The following PNPLA7 variants were observed in gnomAD, a reference collection of about 807,000 sequenced individuals.
PNPLA7 encodes patatin-like phospholipase domain-containing protein 7.
In PNPLA7, 153 loss-of-function variants were observed where a neutral mutation model predicts 161.7. The ratio of observed to expected loss-of-function variants is 0.95; its 90% confidence interval spans 0.83 to 1.08. PNPLA7 has a LOEUF of 1.08. Among genes scored for constraint, PNPLA7 ranks in the 50% least tolerant of loss-of-function variants. PNPLA7 has a pLI of 0.00. For missense variants in PNPLA7, 1,739 were observed against 1,856.6 expected (o/e 0.94, Z 1.16); for synonymous variants, 809 against 782.1 (o/e 1.03, Z -0.57).
rs1018361200 is a variant in PNPLA7, at chr9:137,462,201, A to G, written c.3623T>C (p.Phe1208Ser). 3.2e-6 allele frequency: 5 copies of G among 1,572,716 alleles called. No homozygotes were observed. In the African/African-American group the frequency reaches 6.8e-5, roughly 21 times the overall value. The change falls in exon 31 of 35, where the codon TTC becomes TCC. Residue 1208 changes from phenylalanine to serine, a missense_variant. Around this residue, in one of 6 missense-constraint regions of PNPLA7, gnomAD observed 703 missense variants for 694.6 expected, o/e 1.01. Coordinates refer to ENST00000406427, the MANE Select transcript of PNPLA7 (RefSeq NM_001098537.3). ...CACGCAGATCTCGTTGAACTTGCCG[A>G]AGTCCAGGGTGCTGTAGCTGTCGAT... is the stretch of plus-strand genomic sequence containing the variant. ...PPIDSYSTLD[F>S]GKFNEICEVG...
intron 25 of PNPLA7, among the ~76,000 whole-genome samples, chr9:137,474,974 C>T (rs768208613): frequency 1.7e-5 from 2 of 118,178 alleles, no homozygotes; most frequent in African/African-American, 3.7e-5. Context: ...GGAGCCGAGC[C>T]GAGATCGCTC....
chr9:137,548,295 C>T (rs897389677), intron 1 of PNPLA7, among the ~76,000 whole-genome samples: 1 of 152,326 alleles, frequency 6.6e-6, no homozygotes, highest in East Asian at 1.9e-4. Context: ...CAGCCCTCTC[C>T]ATTCCTGCTG....
rs147429101 is a variant in PNPLA7 at position 137,520,895 on chromosome 9, T to C, written c.957+741A>G. 1.2e-3 allele frequency among the ~76,000 whole-genome samples: 180 copies of C among 152,326 alleles called. No individual in the cohort carries two copies. The highest frequency in any genetic ancestry group is 4.1e-3 in the African/African-American group (169 of 41,578). On this transcript the variant is annotated intron_variant, in intron 10 of 34. Coordinates refer to ENST00000406427, the MANE Select transcript of PNPLA7 (RefSeq NM_001098537.3). This position sits in a 1 kb window ranked among gnomAD's most constrained non-coding sequence, Gnocchi z 5.2. ...GTCAAGGGCAACACACAGGGAGTGC[T>C]GGCAACAGGGACCCCATGGGACGGG...
Position 137,478,166 on chromosome 9 carries a change from C to G in PNPLA7, c.2764-14G>C. 4.7e-6 allele frequency: 6 copies of G among 1,282,962 alleles called. No individual in the cohort carries two copies. The highest frequency in any genetic ancestry group is 6.0e-6 in the Non-Finnish European group (6 of 1,005,048). 79.5% of individuals were successfully genotyped at this position (1,282,962 alleles called of 1,614,324 possible). On this transcript the variant is annotated splice_polypyrimidine_tract_variant and intron_variant, in intron 24 of 34. Transcript: ENST00000406427. ...GTACATCTCCACCTGGGGGAGGAGC[C>G]GTCAGGCAGGGCTGGTGCAGGGCCC...
At chr9:137,465,897 G>GC (rs1363562015) in intron 26 of PNPLA7, among the ~76,000 whole-genome samples, 1 of 152,192 alleles carries the variant, frequency 6.6e-6, no homozygotes, top group Non-Finnish European at 1.5e-5. Flanking sequence ...GAGCCTGGCT[G>GC]CCTCCCTCTG....
In PNPLA7 at chr9:137,500,732, CCT is replaced by C. The variant is rs750677310; in HGVS notation, c.1714_1715del (p.Arg572GlyfsTer14). ...TGGAGATGGACAGGAAGCTGCAGTC[CCT>C]GTTGGCCTTGACGGTGAAGATGAGA... ...EPLIFTVKAN[R>X]DCSFLSISKA... On this transcript the variant is annotated frameshift_variant, in exon 16 of 35. Coordinates refer to ENST00000406427, the MANE Select transcript of PNPLA7 (RefSeq NM_001098537.3). LOFTEE classifies it high-confidence loss of function. The surrounding 1 kb of genome is among the most constrained non-coding windows in gnomAD (Gnocchi z 5.5). 5.6e-6 allele frequency: 9 copies of C among 1,612,378 alleles called. No homozygotes were observed. In the Admixed American group the frequency reaches 6.7e-5, roughly 12 times the overall value.
chr9:137,475,495 C>T (rs1831907446), intron 25 of PNPLA7, among the ~76,000 whole-genome samples: 2 of 152,170 alleles, frequency 1.3e-5, no homozygotes, highest in South Asian at 4.1e-4. Flanking sequence ...CTGCCTCAGC[C>T]TCCTGAGTAG....
Position 137,462,799 on chromosome 9 carries a change from C to A in PNPLA7, c.3378G>T (p.Val1126=), listed in dbSNP as rs954018020. The A allele has an allele frequency of 5.0e-6, 8 of 1,613,734 alleles. No individual in the cohort carries two copies. The African/African-American group carries it at 5.3e-5, about 11-fold the overall frequency. Residue 1126 remains valine, a synonymous_variant, in exon 30 of 35, where the codon GTG becomes GTT. Coordinates refer to ENST00000406427, the MANE Select transcript of PNPLA7 (RefSeq NM_001098537.3). ...DVARSMGAKV[V]IAIDVGSRDE... ...CTCGGCTGCCCACGTCAATGGCGAT[C>A]ACCACTTTTGCCCCCATGGACCGGG...
chr9:137,502,729 G>GGGGGGGACGCGGGGGACGCGGGGGACT, intron 14 of PNPLA7, among the ~76,000 whole-genome samples: 1 of 68,948 alleles, frequency 1.5e-5, no homozygotes, highest in South Asian at 5.5e-4. Context: ...CGCGGGGGAC[G>GGGGGGGACGCGGGGGACGCGGGGGACT]GGGGGGACGA....
chr9:137,549,047 G>A (rs775818792), intron 1 of PNPLA7, among the ~76,000 whole-genome samples: 4 of 152,246 alleles, frequency 2.6e-5, no homozygotes, highest in East Asian at 1.9e-4. Flanking sequence ...CCTATCACGC[G>A]ATGGCCCGTG....
intron 12 of PNPLA7, chr9:137,509,676 G>C (rs952441048): frequency 1.1e-5 from 5 of 443,860 alleles, no homozygotes; most frequent in Non-Finnish European, 2.3e-5. Flanking sequence ...GGTGTCAACA[G>C]TCACATGAGG....
intron 8 of PNPLA7, among the ~76,000 whole-genome samples, chr9:137,538,395 G>A (rs1327136391): frequency 6.6e-6 from 1 of 152,232 alleles, no homozygotes; most frequent in Non-Finnish European, 1.5e-5. Context: ...ATGTCTGGCT[G>A]GAGCTTGTTA....
At chr9:137,498,015 T>C in intron 17 of PNPLA7, 99 bp downstream of exon 17, 1 of 1,524,750 alleles carries the variant, frequency 6.6e-7, no homozygotes, top group South Asian at 1.2e-5. Flanking sequence ...CCACAGTAAC[T>C]TCCGTGTGTG....
At chr9:137,472,840 A>T (rs1191511650) in intron 25 of PNPLA7, among the ~76,000 whole-genome samples, 1 of 151,482 alleles carries the variant, frequency 6.6e-6, no homozygotes, top group Non-Finnish European at 1.5e-5. Flanking sequence ...CTATAATCCT[A>T]GCTACTCAGG....
At position 137,499,279 on chromosome 9, in the gene PNPLA7, C is replaced by T. The variant is rs922932794; in HGVS notation, c.1758-1034G>A. On this transcript the variant is annotated intron_variant, in intron 16 of 34. Coordinates refer to ENST00000406427, the MANE Select transcript of PNPLA7 (RefSeq NM_001098537.3). This position sits in a 1 kb window ranked among gnomAD's most constrained non-coding sequence, Gnocchi z 5.5. ...AGACACACATGGACACATGTAGACA[C>T]AGAGACAGACACACGGACACATGCA... 1.3e-5 allele frequency among the ~76,000 whole-genome samples: 2 copies of T among 151,658 alleles called. No homozygotes were observed. The highest frequency in any genetic ancestry group is 1.3e-4 in the Admixed American group (2 of 15,220).
intron 32 of PNPLA7, 146 bp from the exon 33 acceptor site, chr9:137,461,766 G>C: frequency 8.4e-7 from 1 of 1,184,732 alleles, no homozygotes; most frequent in Non-Finnish European, 1.2e-6. Flanking sequence ...CCGGGGAGAT[G>C]CGCAGTCCTG....
chr9:137,533,063 G>A (rs562321709), intron 8 of PNPLA7, among the ~76,000 whole-genome samples: 9 of 148,284 alleles, frequency 6.1e-5, no homozygotes, highest in Non-Finnish European at 1.0e-4. Context: ...GTCCACTCCA[G>A]ATGGGAGCAC....
rs1832708478 is a variant in PNPLA7 at position 137,490,400 on chromosome 9, AT to A, written c.2197+2612del. On this transcript the variant is annotated intron_variant, in intron 20 of 34. Coordinates refer to ENST00000406427, the MANE Select transcript of PNPLA7 (RefSeq NM_001098537.3). This position sits in a 1 kb window ranked among gnomAD's most constrained non-coding sequence, Gnocchi z 4.1. ...GTAAGACACTGTGCCTGGTCAAAAC[AT>A]TCTTGAACACAGCTAGAGAGAAATG... is the stretch of plus-strand genomic sequence containing the variant. Among the ~76,000 whole-genome samples, 1 of 152,216 alleles carries A rather than the reference AT, an allele frequency of 6.6e-6. No individual in the cohort carries two copies. Among genetic ancestry groups the A allele is most frequent in the Admixed American group, 6.5e-5 (1 of 15,276 alleles).
At chr9:137,479,305 A>G in intron 23 of PNPLA7, 67 bp from the exon 24 acceptor site, 3 of 1,426,076 alleles carry the variant, frequency 2.1e-6, no homozygotes, top group Non-Finnish European at 2.8e-6. Flanking sequence ...ACGGAGCTGA[A>G]GGCCAGCACA....
Sources: gnomAD v4.1 joint callset for allele counts (sites outside exome capture counted in the v4.1 genomes callset) on GRCh38, gnomAD v4.1.1 for gene constraint, gnomAD v4.1.1 regional missense constraint, Gnocchi (gnomAD v3.1) non-coding constraint, MANE v1.5 for transcripts, NCBI Gene and HGNC (gene_info 2026-07-23, HGNC 2026-07-21) for gene names.